CCDC82: variants seen among roughly 807,000 people sequenced by gnomAD.
CCDC82 encodes the protein coiled-coil domain containing 82.
A neutral mutation model predicts 60.6 loss-of-function variants in CCDC82; 47 were observed. That is an observed-to-expected ratio of 0.77 (90% CI 0.61 to 0.99). The LOEUF is 0.99. CCDC82 is among the 50% of genes least tolerant of loss of function. The pLI is 0.00. For synonymous variants in CCDC82, 212 were observed against 207.4 expected (o/e 1.02, Z -0.19); for missense variants, 588 against 633.0 (o/e 0.93, Z 0.76).
intron 6 of CCDC82, among the ~76,000 whole-genome samples, chr11:96,371,497 G>A (rs1173239836): frequency 6.6e-6 from 1 of 152,192 alleles, no homozygotes; most frequent in Non-Finnish European, 1.5e-5. Flanking sequence ...CAGGAGAATG[G>A]TGTGAACCCG....
Position 96,365,047 on chromosome 11 carries a change from T to C in CCDC82, c.1313A>G (p.His438Arg). Reference sequence around the variant, plus strand: ...GGTGTTATACAACTCTCCTGATAAATGCACTGAATATTTACAGTAGCGATG... The same window carrying C: ...GGTGTTATACAACTCTCCTGATAAACGCACTGAATATTTACAGTAGCGATG... The part of the protein sequence containing the change: ...GLHRYCKYSV[H>R]LSGELYNTRT... Residue 438 changes from histidine (H) to arginine (R), a missense_variant, in exon 8 of 10, where the codon CAT becomes CGT. By Grantham distance (29) the His-to-Arg change is conservative. Coordinates refer to ENST00000646818, the MANE Select transcript of CCDC82 (RefSeq NM_024725.4). 2 of 1,610,762 alleles carry C rather than the reference T, an allele frequency of 1.2e-6. No individual in the cohort carries two copies. Among genetic ancestry groups the C allele is most frequent in the Non-Finnish European group, 1.7e-6 (2 of 1,178,356 alleles).
chr11:96,360,487 G>A (rs1197854896), intron 8 of CCDC82, among the ~76,000 whole-genome samples: 1 of 151,708 alleles, frequency 6.6e-6, no homozygotes, highest in Non-Finnish European at 1.5e-5. Flanking sequence ...GAGCCACCAC[G>A]CCCAGCCAAT....
chr11:96,384,492 T>G lies in CCDC82; in HGVS notation c.256A>C (p.Asn86His). 2 of 1,613,856 alleles carry G rather than the reference T, an allele frequency of 1.2e-6. No individual in the cohort carries two copies. The highest frequency in any genetic ancestry group is 1.1e-5 in the South Asian group (1 of 91,072). The change falls in exon 4 of 10, where the codon AAC becomes CAC. Residue 86 changes from asparagine to histidine, a missense_variant. Transcript: ENST00000646818. Reference protein sequence around the residue: ...NKTPGSERELNLSKIQSEGND... With the variant: ...NKTPGSERELHLSKIQSEGND... ...CCTTCACTTTGAATTTTACTTAAGT[T>G]GAGCTCTCTTTCACTTCCTGGTGTT...
chr11:96,383,226 C>G, intron 5 of CCDC82, 43 bp downstream of exon 5: 1 of 1,114,286 alleles, frequency 9.0e-7, no homozygotes, highest in Non-Finnish European at 1.4e-6. Context: ...GATAAAATAT[C>G]ATGAGAACAA....
At chr11:96,366,522 T>G (rs1864960415) in intron 7 of CCDC82, among the ~76,000 whole-genome samples, 1 of 152,206 alleles carries the variant, frequency 6.6e-6, no homozygotes, top group South Asian at 2.1e-4. Flanking sequence ...CCAGCCTGTC[T>G]AATTATTAGC....
chr11:96,357,407 A>G (rs1229828928), intron 9 of CCDC82: 10 of 985,222 alleles, frequency 1.0e-5, no homozygotes, highest in Non-Finnish European at 1.2e-5. Flanking sequence ...TTCTTTATGT[A>G]TAACATGACA....
intron 9 of CCDC82, chr11:96,358,667 A>T: frequency 1.1e-5 from 1 of 89,402 alleles, no homozygotes; most frequent in African/African-American, 8.2e-5. Context: ...ATACTCTGTC[A>T]AAAAAAAAAA....
At chr11:96,367,068 G>A (rs180867148) in intron 7 of CCDC82, among the ~76,000 whole-genome samples, 1 of 152,320 alleles carries the variant, frequency 6.6e-6, no homozygotes, top group Admixed American at 6.5e-5. Flanking sequence ...TGAACCTCCA[G>A]TGAATAGGCA....
intron 9 of CCDC82, chr11:96,357,850 A>C: frequency 1.0e-6 from 1 of 985,448 alleles, no homozygotes; most frequent in Non-Finnish European, 1.2e-6. Flanking sequence ...AGCAGGGAGA[A>C]GCATTTGGAG....
At chr11:96,374,737 T>C (rs1042093489) in intron 5 of CCDC82, among the ~76,000 whole-genome samples, 2 of 152,166 alleles carry the variant, frequency 1.3e-5, no homozygotes, top group Non-Finnish European at 2.9e-5. Context: ...CCAATAGTTA[T>C]CTTTTCTGCT....
At position 96,384,539 on chromosome 11, in the gene CCDC82, T is replaced by A; in HGVS notation, c.209A>T (p.Asn70Ile). Residue 70 changes from asparagine to isoleucine, a missense_variant, in exon 4 of 10, where the codon AAC (asparagine) becomes ATC (isoleucine). Physicochemically the swap from Asn to Ile is moderately radical, Grantham distance 149. Transcript: ENST00000646818. ...SFENDEELDSNKGPDCNKTPG... is the reference protein window; with the variant it reads ...SFENDEELDSIKGPDCNKTPG... ...TGTTTTATTACAATCAGGTCCCTTG[T>A]TACTATCAAGCTCTTCATCATTTTC... 6.2e-7 allele frequency: 1 copy of A among 1,613,744 alleles called. No homozygotes were observed. The highest frequency in any genetic ancestry group is 1.1e-5 in the South Asian group (1 of 91,054).
chr11:96,358,848 G>C, intron 9 of CCDC82, 145 bp downstream of exon 9: 1 of 834,560 alleles, frequency 1.2e-6, no homozygotes, highest in South Asian at 1.9e-5. Flanking sequence ...AAGCATGAAA[G>C]GAATGAGCGG....
At chr11:96,377,165 C>A (rs889851328) in intron 5 of CCDC82, among the ~76,000 whole-genome samples, 1 of 152,176 alleles carries the variant, frequency 6.6e-6, no homozygotes, top group Non-Finnish European at 1.5e-5. Context: ...AGAGGCAGAA[C>A]AAGAAACTGA....
At chr11:96,369,864 T>A (rs535591663) in intron 7 of CCDC82, among the ~76,000 whole-genome samples, 1 of 152,374 alleles carries the variant, frequency 6.6e-6, no homozygotes, top group South Asian at 2.1e-4. Context: ...TATGCTTATA[T>A]ATGCTATTTT....
At chr11:96,382,976 TA>T in intron 5 of CCDC82, 1 of 248,646 alleles carries the variant, frequency 4.0e-6, no homozygotes. Flanking sequence ...TACTAAGGAT[TA>T]TTTTAAATGA....
In CCDC82 at chr11:96,353,514, C is replaced by CTT; in HGVS notation, c.*131_*132insAA. 1.4e-6 allele frequency: 1 copy of CTT among 699,556 alleles called. No homozygotes were observed. The highest frequency in any genetic ancestry group is 2.5e-6 in the Non-Finnish European group (1 of 404,478). The allele number at this position is 699,556 out of a possible 1,614,324, so 43.3% of individuals were successfully genotyped here. On this transcript the variant is annotated 3_prime_UTR_variant, in exon 10 of 10. Transcript: ENST00000646818. Reference sequence around the variant, plus strand: ...GCCACTTCACAGGAATTAAGATAATCATGTTTTAAACAAAATATTTTGCCA... The same window carrying CTT: ...GCCACTTCACAGGAATTAAGATAATCTTATGTTTTAAACAAAATATTTTGCCA...
At chr11:96,354,789 T>C (rs1039295404) in intron 9 of CCDC82, 1 of 152,158 alleles carries the variant, frequency 6.6e-6, no homozygotes, top group African/African-American at 2.4e-5. Context: ...GAGTTCAAAG[T>C]ATTTATTTCA....
intron 7 of CCDC82, among the ~76,000 whole-genome samples, chr11:96,366,107 C>T (rs1864931823): frequency 6.6e-6 from 1 of 152,206 alleles, no homozygotes; most frequent in Admixed American, 6.5e-5. Flanking sequence ...ACCTTCCTTT[C>T]CTGCTTCTGC....
At chr11:96,359,343 T>A in intron 8 of CCDC82, 165 bp from the exon 9 acceptor site, 1 of 563,366 alleles carries the variant, frequency 1.8e-6, no homozygotes, top group Non-Finnish European at 3.0e-6. Flanking sequence ...ACTGAGCACC[T>A]GTGAGGTTTC....
Sources: gnomAD v4.1 joint callset for allele counts (sites outside exome capture counted in the v4.1 genomes callset) on GRCh38, gnomAD v4.1.1 for gene constraint, MANE v1.5 for transcripts, NCBI Gene and HGNC (gene_info 2026-07-23, HGNC 2026-07-21) for gene names.